The following PSG8 variants were observed in gnomAD, a reference collection of about 807,000 sequenced individuals.
The protein encoded by PSG8 is pregnancy-specific beta-1-glycoprotein 8.
PSG8 carries 57 observed loss-of-function variants against 42.5 expected under a neutral mutation model. That is an observed-to-expected ratio of 1.34 (90% CI 1.08 to 1.67). The LOEUF (loss-of-function observed/expected upper bound fraction) is 1.67, where lower values mean the gene tolerates loss of function less well. Among genes scored for constraint, PSG8 ranks in the 40% most tolerant of loss-of-function variants. PSG8 has a pLI of 0.00. For synonymous variants in PSG8, 280 were observed against 196.8 expected (o/e 1.42, Z -3.54); for missense variants, 783 against 518.6 (o/e 1.51, Z -4.95).
At chr19:42,758,837 T>A (rs1182707639) in intron 2 of PSG8, 2 of 160,630 alleles carry the variant, frequency 1.2e-5, no homozygotes, top group Admixed American at 1.1e-4. Context: ...GTCAGTTCAG[T>A]CATCAGGCAG....
At position 42,755,321 on chromosome 19, in the gene PSG8, A is replaced by T. The variant is rs558328976; in HGVS notation, c.710-55T>A. ...TGTGTGGCACCTTTGATTCCTCCAC[A>T]GGCATCCTTCAATCAGAGTTGGCAT... is the stretch of plus-strand genomic sequence containing the variant. On this transcript the variant is annotated intron_variant, in intron 3 of 4. Coordinates refer to ENST00000306511, the MANE Select transcript of PSG8 (RefSeq NM_182707.3). 2,846 of 1,589,094 alleles carry T rather than the reference A, an allele frequency of 1.8e-3. 44 individuals carry two copies. In the African/African-American group the frequency reaches 0.033, roughly 18 times the overall value.
intron 2 of PSG8, among the ~76,000 whole-genome samples, chr19:42,763,460 C>G (rs1970127314): frequency 1.3e-5 from 2 of 152,174 alleles, no homozygotes; most frequent in South Asian, 2.1e-4. Context: ...CCCAAGAAGC[C>G]ACAACCCAGC....
chr19:42,757,625 G>A (rs1180837352), intron 3 of PSG8, among the ~76,000 whole-genome samples: 7 of 152,090 alleles, frequency 4.6e-5, no homozygotes, highest in Non-Finnish European at 1.5e-5. Context: ...TGTCACAGGC[G>A]ATATTTTCAG....
chr19:42,761,629 C>G (rs1970075790), intron 2 of PSG8, among the ~76,000 whole-genome samples: 1 of 151,964 alleles, frequency 6.6e-6, no homozygotes, highest in South Asian at 2.1e-4. Flanking sequence ...TTCCCTCCGC[C>G]CACATGATTC....
chr19:42,752,983 G>T (rs1969819423), downstream of PSG8: 3 of 463,804 alleles, frequency 6.5e-6, no homozygotes, highest in Admixed American at 1.1e-4. Flanking sequence ...ACACTCTATT[G>T]TTACCCTCAG....
intron 3 of PSG8, among the ~76,000 whole-genome samples, chr19:42,757,546 CT>C (rs1160135568): frequency 6.6e-6 from 1 of 152,046 alleles, no homozygotes; most frequent in Non-Finnish European, 1.5e-5. Context: ...GGGACTTCCC[CT>C]GTATGGTAAT....
chr19:42,755,168 T>G lies in PSG8; in HGVS notation c.808A>C (p.Thr270Pro), dbSNP rs761048202. ...FTCEPKSENYTYIWWLNGQSL... is the reference protein window; with the variant it reads ...FTCEPKSENYPYIWWLNGQSL... ...TGACCATTTAGCCACCAAATGTAGG[T>G]GTAGTTCTCACTCTTAGGTTCACAG... The change falls in exon 4 of 5, where the codon ACC becomes CCC. Residue 270 changes from threonine to proline, a missense_variant. Transcript: ENST00000306511. 6.2e-7 allele frequency: 1 copy of G among 1,611,840 alleles called. No individual in the cohort carries two copies. The highest frequency in any genetic ancestry group is 8.5e-7 in the Non-Finnish European group (1 of 1,179,776).
rs918222609 is a variant in PSG8, at chr19:42,756,635, T to A, written c.709+1367A>T. Among the ~76,000 whole-genome samples, 14 of 152,204 alleles carry A rather than the reference T, an allele frequency of 9.2e-5. 1 individual carries two copies. Among genetic ancestry groups the A allele is most frequent in the Non-Finnish European group, 1.5e-4 (10 of 68,000 alleles). On this transcript the variant is annotated intron_variant, in intron 3 of 4. Coordinates refer to ENST00000306511, the MANE Select transcript of PSG8 (RefSeq NM_182707.3). ...GATATTCTTGCCCTTTTTTTTTCTC[T>A]CACCACTTTTCTAGCTTGGTGATTA...
chr19:42,758,162 A>T lies in PSG8; in HGVS notation c.549T>A (p.Asn183Lys). 2 of 1,614,018 alleles carry T rather than the reference A, an allele frequency of 1.2e-6. No homozygotes were observed. Among genetic ancestry groups the T allele is most frequent in the Non-Finnish European group, 1.7e-6 (2 of 1,179,972 alleles). The change falls in exon 3 of 5, where the codon AAT becomes AAA. Residue 183 changes from asparagine (N) to lysine (K), a missense_variant. Transcript: ENST00000306511. ...TGTGAGACATAGGGAGGCTCTGACC[A>T]TTCATCCACCACAGGTAGCTTGCGT... ...TPDASYLWWM[N>K]GQSLPMSHRL...
intron 1 of PSG8, 53 bp from the exon 2 acceptor site, chr19:42,764,334 A>C: frequency 1.3e-6 from 2 of 1,569,718 alleles, no homozygotes; most frequent in East Asian, 4.5e-5. Flanking sequence ...ATTGGTGTGA[A>C]AACATGGGGC....
chr19:42,764,303 A>G (rs1970159240), intron 1 of PSG8, 22 bp from the exon 2 acceptor site: 1 of 1,605,724 alleles, frequency 6.2e-7, no homozygotes, highest in African/African-American at 1.3e-5. Context: ...AGAGAGCATC[A>G]GTCAATATTG....
At chr19:42,757,186 G>A (rs1360713755) in intron 3 of PSG8, among the ~76,000 whole-genome samples, 1 of 151,976 alleles carries the variant, frequency 6.6e-6, no homozygotes, top group African/African-American at 2.4e-5. Flanking sequence ...GAGTGAAGGG[G>A]ACAGGCAAAA....
chr19:42,761,770 A>G (rs1225521530), intron 2 of PSG8, among the ~76,000 whole-genome samples: 1 of 150,814 alleles, frequency 6.6e-6, no homozygotes, highest in Non-Finnish European at 1.5e-5. Flanking sequence ...CCTGTTTGGC[A>G]GACTTGGAGT....
At chr19:42,754,935 T>C (rs11879861) in intron 4 of PSG8, 53 bp downstream of exon 4, 91,491 of 1,575,042 alleles carry the variant, frequency 0.058, 3,381 homozygotes, top group Admixed American at 0.12. Flanking sequence ...TGGCCTCTGG[T>C]CGTTTTGATT....
chr19:42,764,271 T>G lies in PSG8; in HGVS notation c.75A>C (p.Leu25Phe). Residue 25 changes from leucine (L) to phenylalanine (F), a missense_variant, in exon 2 of 5, where the codon TTA (leucine) becomes TTC (phenylalanine). By Grantham distance (22) the Leu-to-Phe change is conservative (BLOSUM62 0). Coordinates refer to ENST00000306511, the MANE Select transcript of PSG8 (RefSeq NM_182707.3). ...CAGTCGTGGGTGGGTTCCAGAAGTT[T>G]AAAAGTGATGCTAGGAGGTGGAGAG... ...WKGLLLTASL[L>F]NFWNPPTTAQ... 1 of 1,613,080 alleles carries G rather than the reference T, an allele frequency of 6.2e-7. No homozygotes were observed. Among genetic ancestry groups the G allele is most frequent in the Admixed American group, 1.7e-5 (1 of 59,926 alleles).
intron 2 of PSG8, among the ~76,000 whole-genome samples, chr19:42,761,074 G>A (rs1222681252): frequency 6.6e-6 from 1 of 152,042 alleles, no homozygotes; most frequent in African/African-American, 2.4e-5. Context: ...TGGGCTTTGG[G>A]GACTGCAGGC....
chr19:42,763,993 C>A lies in PSG8; in HGVS notation c.353G>T (p.Gly118Val), dbSNP rs779816799. 1 of 1,612,870 alleles carries A rather than the reference C, an allele frequency of 6.2e-7. No homozygotes were observed. The highest frequency in any genetic ancestry group is 1.3e-5 in the African/African-American group (1 of 74,664). The change falls in exon 2 of 5, where the codon GGA becomes GTA. Residue 118 changes from glycine (G) to valine (V), a missense_variant. Gly to Val is a moderately radical substitution (Grantham distance 109). Transcript: ENST00000306511. Reference protein sequence around the residue: ...LIQNVTQEDAGSYTLHIIMGG... With the variant: ...LIQNVTQEDAVSYTLHIIMGG... ...CATTATGATGTGTAAGGTGTAGGAT[C>A]CTGCGTCTTCCTGGGTGACATTCTG...
intron 2 of PSG8, among the ~76,000 whole-genome samples, chr19:42,761,494 C>G (rs1238826682): frequency 6.6e-6 from 1 of 152,166 alleles, no homozygotes; most frequent in Non-Finnish European, 1.5e-5. Flanking sequence ...TGAGATTGGT[C>G]TTTTGAGATG....
downstream of PSG8, among the ~76,000 whole-genome samples, chr19:42,753,569 T>G (rs1969834219): frequency 6.6e-6 from 1 of 152,226 alleles, no homozygotes; most frequent in Non-Finnish European, 1.5e-5. Context: ...ATTGTTTACA[T>G]AAGTGCAGCA....
Sources: allele counts gnomAD v4.1 joint callset (sites outside exome capture counted in the v4.1 genomes callset), GRCh38; gene constraint gnomAD v4.1.1; transcripts MANE v1.5; gene names NCBI Gene and HGNC (gene_info 2026-07-23, HGNC 2026-07-21).